Variants in WDR93 observed in about 807,000 individuals in gnomAD.
WDR93 encodes the protein WD repeat domain 93, also known as WD repeat-containing protein 93.
WDR93 carries 73 observed loss-of-function variants against 82.9 expected under a neutral mutation model. That is an observed-to-expected ratio of 0.88 (90% confidence interval 0.73 to 1.07). The LOEUF (loss-of-function observed/expected upper bound fraction) is 1.07. Ranked by LOEUF, WDR93 falls within the 50% of genes least tolerant of loss-of-function variation. The pLI, the probability that WDR93 is intolerant of heterozygous loss-of-function variation, is 0.00. For synonymous variants in WDR93, 283 were observed against 300.1 expected, an observed-to-expected ratio of 0.94 and a Z score of 0.59; for missense variants, 738 against 826.0, an observed-to-expected ratio of 0.89 and a Z score of 1.31.
At chr15:89,700,343 A>G (rs1014126650) in intron 1 of WDR93, among the ~76,000 whole-genome samples, 2 of 152,086 alleles carry the variant, frequency 1.3e-5, no homozygotes, top group Admixed American at 6.6e-5. Flanking sequence ...ATACTCACAC[A>G]TTGAAAGCAT....
rs1446925218 is a variant in WDR93 at position 89,735,553 on chromosome 15, G to A, written c.1608G>A (p.Met536Ile). 1 of 1,613,938 alleles carries A rather than the reference G, an allele frequency of 6.2e-7. No homozygotes were observed. The highest frequency in any genetic ancestry group is 1.3e-5 in the African/African-American group (1 of 74,914). Residue 536 changes from methionine (M) to isoleucine (I), a missense_variant and splice_region_variant, in exon 14 of 17, where the codon ATG becomes ATA. Coordinates refer to ENST00000268130, the MANE Select transcript of WDR93 (RefSeq NM_020212.2). ...AVAPVPALPGMVLIFSKNGSV... is the reference protein window; with the variant it reads ...AVAPVPALPGIVLIFSKNGSV... ...CCCCAGTCCCAGCCTTACCTGGCAT[G>A]GTAGGTTCCCCATGCCTCTCTGTAA...
In WDR93 at chr15:89,743,282, T is replaced by C; in HGVS notation, c.1962-10T>C. On this transcript the variant is annotated splice_polypyrimidine_tract_variant and intron_variant, in intron 16 of 16. Coordinates refer to ENST00000268130, the MANE Select transcript of WDR93 (RefSeq NM_020212.2). ...GGAGATTCCTCTCATCACAGTTGTG[T>C]GGCCCTCAGCTATCGGAAGCTGGAG... The C allele has an allele frequency of 6.2e-7, 1 of 1,614,038 alleles. No homozygotes were observed. The highest frequency in any genetic ancestry group is 1.1e-5 in the South Asian group (1 of 91,082).
At chr15:89,726,492 G>A (rs978918235) in intron 8 of WDR93, among the ~76,000 whole-genome samples, 10 of 152,326 alleles carry the variant, frequency 6.6e-5, no homozygotes, top group Non-Finnish European at 1.5e-4. Context: ...GGGCACTGTG[G>A]AATCTCCTGG....
chr15:89,731,642 G>A (rs1329515059), intron 12 of WDR93, 80 bp downstream of exon 12: 26 of 1,583,596 alleles, frequency 1.6e-5, no homozygotes, highest in Non-Finnish European at 2.1e-5. Context: ...ATTCCCACAG[G>A]CCCTGGGCCT....
Position 89,743,296 on chromosome 15 carries a change from CG to C in WDR93, c.1968del (p.Lys657SerfsTer91). On this transcript the variant is annotated frameshift_variant, in exon 17 of 17. Transcript: ENST00000268130. LOFTEE classifies it low-confidence loss of function (END_TRUNC). Reference sequence around the variant, plus strand: ...TCACAGTTGTGTGGCCCTCAGCTATCGGAAGCTGGAGAAGAACCCAGAGAAG... The same window carrying C: ...TCACAGTTGTGTGGCCCTCAGCTATCGAAGCTGGAGAAGAACCCAGAGAAG... Reference protein sequence around the residue: ...RCERFLQKSYRKLEKNPEKEE... With the variant: ...RCERFLQKSYXKLEKNPEKEE... 1 of 1,614,136 alleles carries C rather than the reference CG, an allele frequency of 6.2e-7. No homozygotes were observed. The highest frequency in any genetic ancestry group is 1.1e-5 in the South Asian group (1 of 91,076).
chr15:89,727,334 C>G lies in WDR93; in HGVS notation c.1052+6C>G, dbSNP rs150736014. ...TGGGAGGAAGAGCCACTCAGGTGAG[C>G]CTCCTAATCCCGGGAAAGCCAGGGA... On this transcript the variant is annotated splice_donor_region_variant and intron_variant, in intron 9 of 16. Coordinates refer to ENST00000268130, the MANE Select transcript of WDR93 (RefSeq NM_020212.2). 6.2e-7 allele frequency: 1 copy of G among 1,613,044 alleles called. No homozygotes were observed. Among genetic ancestry groups the G allele is most frequent in the Non-Finnish European group, 8.5e-7 (1 of 1,179,684 alleles).
intron 16 of WDR93, among the ~76,000 whole-genome samples, chr15:89,741,420 G>T (rs1354798561): frequency 1.3e-5 from 2 of 152,048 alleles, no homozygotes; most frequent in African/African-American, 2.4e-5. Flanking sequence ...TGGAAGCAGG[G>T]TCTCCCTATG....
At chr15:89,719,263 A>T (rs1289156883) in intron 7 of WDR93, among the ~76,000 whole-genome samples, 5 of 152,120 alleles carry the variant, frequency 3.3e-5, no homozygotes, top group African/African-American at 9.7e-5. Flanking sequence ...AATTTTTAAA[A>T]ATTTTTATAG....
At chr15:89,690,734 G>T (rs867464790), upstream of WDR93, 4 of 806,372 alleles carry the variant, frequency 5.0e-6, no homozygotes, top group Non-Finnish European at 2.0e-6. Context: ...TATCCGCTGA[G>T]GGGGAGGGGC....
Position 89,737,615 on chromosome 15 carries a change from G to A in WDR93, c.1651G>A (p.Val551Met). 1 of 1,614,176 alleles carries A rather than the reference G, an allele frequency of 6.2e-7. No homozygotes were observed. Among genetic ancestry groups the A allele is most frequent in the Non-Finnish European group, 8.5e-7 (1 of 1,180,034 alleles). The change falls in exon 15 of 17, where the codon GTG becomes ATG. Residue 551 changes from valine to methionine, a missense_variant. Transcript: ENST00000268130. Reference sequence around the variant, plus strand: ...GAATGGCTCTGTGTGCCTTATGGATGTGGCCAAGCGTGAAATCATCTGTGC... The same window carrying A: ...GAATGGCTCTGTGTGCCTTATGGATATGGCCAAGCGTGAAATCATCTGTGC... Reference protein sequence around the residue: ...SKNGSVCLMDVAKREIICAFA... With the variant: ...SKNGSVCLMDMAKREIICAFA...
intron 16 of WDR93, among the ~76,000 whole-genome samples, chr15:89,740,035 T>C (rs888554903): frequency 2.0e-5 from 3 of 152,170 alleles, no homozygotes; most frequent in Non-Finnish European, 4.4e-5. Context: ...AAAAAACACA[T>C]ATTGTGCACC....
chr15:89,736,235 G>A (rs941692632), intron 14 of WDR93, among the ~76,000 whole-genome samples: 5 of 152,220 alleles, frequency 3.3e-5, no homozygotes, highest in Non-Finnish European at 5.9e-5. Flanking sequence ...AGAGGGAAGC[G>A]TGCGCGGTTG....
intron 4 of WDR93, among the ~76,000 whole-genome samples, chr15:89,707,191 G>A (rs988165580): frequency 1.3e-5 from 2 of 152,124 alleles, no homozygotes; most frequent in Non-Finnish European, 2.9e-5. Flanking sequence ...TAGTCATTAG[G>A]GAGGTGGAAA....
chr15:89,711,663 C>A (rs891306451), intron 4 of WDR93, among the ~76,000 whole-genome samples: 1 of 152,100 alleles, frequency 6.6e-6, no homozygotes, highest in Non-Finnish European at 1.5e-5. Context: ...CAGCAACTAC[C>A]AGAGTTTTCA....
chr15:89,708,009 A>C (rs56188125), intron 4 of WDR93, among the ~76,000 whole-genome samples: 30,604 of 152,206 alleles, frequency 0.2, 3,289 homozygotes, highest in Middle Eastern at 0.3. Flanking sequence ...TTTCAAAATA[A>C]TTATGTTAAG....
rs753851767 is a variant in WDR93, at chr15:89,703,114, A to C, written c.468A>C (p.Glu156Asp). ...TCTGGGCCACAGATTTAGGGAATGA[A>C]ATACTCATTGCTCCTGTGGATGAAA... ...TSIWATDLGNEILIAPVDEMG... is the reference protein window; with the variant it reads ...TSIWATDLGNDILIAPVDEMG... Residue 156 changes from glutamate (E) to aspartate (D), a missense_variant, in exon 3 of 17, where the codon GAA becomes GAC. By Grantham distance (45) the Glu-to-Asp change is conservative. Coordinates refer to ENST00000268130, the MANE Select transcript of WDR93 (RefSeq NM_020212.2). 27 of 1,614,026 alleles carry C rather than the reference A, an allele frequency of 1.7e-5. No homozygotes were observed. Among genetic ancestry groups the C allele is most frequent in the Non-Finnish European group, 5.1e-6 (6 of 1,180,022 alleles).
At chr15:89,731,412 G>GA in intron 11 of WDR93, 31 bp from the exon 12 acceptor site, 1 of 1,613,116 alleles carries the variant, frequency 6.2e-7, no homozygotes. Context: ...AGAGTCTGGG[G>GA]GAACCGGTTG....
upstream of WDR93, chr15:89,690,749 T>A: frequency 1.5e-6 from 1 of 653,640 alleles, no homozygotes; most frequent in Non-Finnish European, 2.6e-6. Context: ...AGGGGCTGAG[T>A]CTCTCCGCCC....
intron 14 of WDR93, 67 bp downstream of exon 14, chr15:89,735,620 C>T: frequency 6.6e-7 from 1 of 1,518,550 alleles, no homozygotes; most frequent in Non-Finnish European, 9.1e-7. Context: ...ATGTGTTCAT[C>T]TGTCCTTTAG....
Sources: allele counts gnomAD v4.1 joint callset (sites outside exome capture counted in the v4.1 genomes callset), GRCh38; gene constraint gnomAD v4.1.1; transcripts MANE v1.5; gene names NCBI Gene and HGNC (gene_info 2026-07-23, HGNC 2026-07-21).